TSHZ2: variants seen among roughly 807,000 people sequenced by gnomAD.
TSHZ2 encodes the protein teashirt zinc finger homeobox 2, also known as teashirt homolog 2.
TSHZ2 carries 21 observed loss-of-function variants against 74.4 expected under a neutral mutation model. The ratio of observed to expected loss-of-function variants is 0.28; its 90% confidence interval spans 0.20 to 0.41. The LOEUF (loss-of-function observed/expected upper bound fraction) is 0.41, where lower values mean the gene tolerates loss of function less well. Among genes scored for constraint, TSHZ2 ranks in the 10% least tolerant of loss-of-function variants. The pLI is 1.00. For missense variants in TSHZ2, 1,244 were observed against 1,293.5 expected, an observed-to-expected ratio of 0.96 and a Z score of 0.59; for synonymous variants, 540 against 515.3, an observed-to-expected ratio of 1.05 and a Z score of -0.65.
At chr20:53,471,554 G>C (rs1478495465) in intron 2 of TSHZ2, among the ~76,000 whole-genome samples, 2 of 152,172 alleles carry the variant, frequency 1.3e-5, no homozygotes, top group Admixed American at 6.5e-5. Flanking sequence ...GGTAAGAAAA[G>C]ACTTATTTGA....
intron 1 of TSHZ2, among the ~76,000 whole-genome samples, chr20:53,186,376 T>C (rs1467253753): frequency 6.6e-6 from 1 of 152,238 alleles, no homozygotes; most frequent in Admixed American, 6.5e-5. Context: ...TGAAGACTTT[T>C]CTACAATACA....
intron 2 of TSHZ2, among the ~76,000 whole-genome samples, chr20:53,355,703 A>G (rs1237431982): frequency 1.3e-5 from 2 of 152,246 alleles, no homozygotes; most frequent in African/African-American, 4.8e-5. Context: ...AACTGAAATT[A>G]TACTAAGAAC....
intron 1 of TSHZ2, among the ~76,000 whole-genome samples, chr20:52,992,247 G>A (rs775556224): frequency 2.6e-5 from 4 of 152,228 alleles, no homozygotes; most frequent in Admixed American, 6.5e-5. Context: ...TGGGTTGAAT[G>A]CATGAATGTA....
rs141575559 is a variant in TSHZ2, at chr20:53,303,444, G to A, written c.*8+46873G>A. Among the ~76,000 whole-genome samples, 255 of 152,298 alleles carry A rather than the reference G, an allele frequency of 1.7e-3. 1 individual carries two copies. The highest frequency in any genetic ancestry group is 5.5e-3 in the African/African-American group (227 of 41,556). ...ATTTTCATCATCAACAGCACAACTG[G>A]AAGGTGGTTTACAGAAACACTGAGA... On this transcript the variant is annotated intron_variant, in intron 2 of 2. Transcript: ENST00000371497.
intron 1 of TSHZ2, among the ~76,000 whole-genome samples, chr20:53,216,911 C>T (rs774170227): frequency 5.9e-5 from 9 of 152,150 alleles, no homozygotes; most frequent in South Asian, 2.1e-4. Context: ...CTCACTTCAC[C>T]GCCCGGAGAA....
At position 53,190,394 on chromosome 20, in the gene TSHZ2, G is replaced by C. The variant is rs1988710321; in HGVS notation, c.41-63105G>C. 2.0e-5 allele frequency among the ~76,000 whole-genome samples: 3 copies of C among 151,428 alleles called. No homozygotes were observed. The South Asian group carries it at 6.2e-4, about 32-fold the overall frequency. On this transcript the variant is annotated intron_variant, in intron 1 of 2. Transcript: ENST00000371497. ...CAAGGGGGTTCAAAGACAGGAAGTG[G>C]CAGCAGCAGCAGCAACACCCCTCTA...
intron 1 of TSHZ2, among the ~76,000 whole-genome samples, chr20:53,117,083 C>T (rs1986691061): frequency 1.3e-5 from 2 of 152,100 alleles, no homozygotes; most frequent in South Asian, 4.2e-4. Flanking sequence ...TCTCATGCCT[C>T]TTCTTATAAG....
At chr20:53,294,354 C>G (rs990122893) in intron 2 of TSHZ2, among the ~76,000 whole-genome samples, 1 of 152,098 alleles carries the variant, frequency 6.6e-6, no homozygotes, top group African/African-American at 2.4e-5. Context: ...TGTCTTATGC[C>G]TCAAATGTTT....
chr20:53,211,986 G>A (rs1240657478), intron 1 of TSHZ2, among the ~76,000 whole-genome samples: 1 of 152,110 alleles, frequency 6.6e-6, no homozygotes, highest in East Asian at 1.9e-4. Context: ...AACTGCTGAT[G>A]GCCACCCTGT....
intron 2 of TSHZ2, among the ~76,000 whole-genome samples, chr20:53,425,391 T>G (rs1308859326): frequency 6.6e-6 from 1 of 152,170 alleles, no homozygotes; most frequent in Non-Finnish European, 1.5e-5. Context: ...CACAAAAGCA[T>G]GAGAGGGTCC....
chr20:53,450,094 T>C lies in TSHZ2; in HGVS notation c.*9-37050T>C, dbSNP rs139575397. ...AACATATCTTAACCTTCTTGCTGAA[T>C]TGTGATTCATAGAAGGCACTGGCTA... On this transcript the variant is annotated intron_variant, in intron 2 of 2. Coordinates refer to ENST00000371497, the MANE Select transcript of TSHZ2 (RefSeq NM_173485.6). 5.6e-3 allele frequency among the ~76,000 whole-genome samples: 857 copies of C among 152,340 alleles called. 4 individuals are homozygous for C. The highest frequency in any genetic ancestry group is 0.036 in the South Asian group (175 of 4,828).
intron 1 of TSHZ2, among the ~76,000 whole-genome samples, chr20:53,009,168 A>AAT (rs923977278): frequency 1.2e-4 from 18 of 151,340 alleles, no homozygotes; most frequent in African/African-American, 1.9e-4. Flanking sequence ...CGCTACAAAA[A>AAT]ATATATATAT....
At chr20:53,138,973 TCACA>T (rs895274751) in intron 1 of TSHZ2, among the ~76,000 whole-genome samples, 3 of 152,242 alleles carry the variant, frequency 2.0e-5, no homozygotes, top group Non-Finnish European at 2.9e-5. Context: ...CAGGGAGGTC[TCACA>T]CACAACTAAT....
intron 1 of TSHZ2, among the ~76,000 whole-genome samples, chr20:53,159,910 T>C (rs1987887995): frequency 1.3e-5 from 2 of 152,254 alleles, no homozygotes; most frequent in Admixed American, 1.3e-4. Context: ...CCTCTGGTGA[T>C]AGACACAGTT....
At chr20:53,009,802 A>G (rs1982783596) in intron 1 of TSHZ2, among the ~76,000 whole-genome samples, 1 of 152,144 alleles carries the variant, frequency 6.6e-6, no homozygotes, top group African/African-American at 2.4e-5. Context: ...CCTTGGACCA[A>G]CCACCAAAGA....
intron 2 of TSHZ2, among the ~76,000 whole-genome samples, chr20:53,361,975 G>A (rs557679849): frequency 4.0e-5 from 6 of 151,196 alleles, no homozygotes; most frequent in South Asian, 2.1e-4. Flanking sequence ...GCTGTCGTGC[G>A]ATGGCGCCAT....
chr20:53,269,692 T>G (rs1197374740), intron 2 of TSHZ2, among the ~76,000 whole-genome samples: 2 of 152,032 alleles, frequency 1.3e-5, no homozygotes, highest in African/African-American at 4.8e-5. Flanking sequence ...TATCAGAAAA[T>G]CCATGTCATT....
At chr20:53,058,416 T>A (rs776623067) in intron 1 of TSHZ2, among the ~76,000 whole-genome samples, 1 of 152,174 alleles carries the variant, frequency 6.6e-6, no homozygotes, top group African/African-American at 2.4e-5. Flanking sequence ...GTCACAATCA[T>A]AACAGGCTAC....
intron 1 of TSHZ2, among the ~76,000 whole-genome samples, chr20:53,073,601 A>G (rs1985270393): frequency 1.3e-5 from 2 of 152,358 alleles, no homozygotes; most frequent in Middle Eastern, 3.4e-3. Context: ...ACTTAAATAC[A>G]GTAAGTATGA....
Sources: allele counts gnomAD v4.1 joint callset (sites outside exome capture counted in the v4.1 genomes callset), GRCh38; gene constraint gnomAD v4.1.1; transcripts MANE v1.5; gene names NCBI Gene and HGNC (gene_info 2026-07-23, HGNC 2026-07-21).